DDX23: variants seen among roughly 807,000 people sequenced by gnomAD.
DDX23 encodes the protein probable ATP-dependent RNA helicase DDX23.
DDX23 carries 33 observed loss-of-function variants against 102.7 expected under a neutral mutation model. That is an observed-to-expected ratio of 0.32 (90% CI 0.24 to 0.43). The LOEUF is 0.43. Ranked by LOEUF, DDX23 falls within the 20% of genes least tolerant of loss-of-function variation. DDX23 has a pLI of 1.00. For synonymous variants in DDX23, 352 were observed against 376.0 expected, an observed-to-expected ratio of 0.94 and a Z score of 0.74; for missense variants, 549 against 1,086.6, an observed-to-expected ratio of 0.51 and a Z score of 6.96.
intron 5 of DDX23, among the ~76,000 whole-genome samples, chr12:48,838,816 G>A (rs1003128274): frequency 3.5e-4 from 53 of 151,936 alleles, no homozygotes; most frequent in African/African-American, 1.3e-3. Context: ...TCATGCCACT[G>A]CACTCCAGCC....
At chr12:48,850,949 G>T (rs1938747008) in intron 1 of DDX23, among the ~76,000 whole-genome samples, 1 of 152,122 alleles carries the variant, frequency 6.6e-6, no homozygotes, top group Admixed American at 6.5e-5. Context: ...TTTATTACAG[G>T]TTCTATTATC....
intron 11 of DDX23, among the ~76,000 whole-genome samples, chr12:48,835,734 C>A (rs536744541): frequency 2.6e-4 from 39 of 151,566 alleles, no homozygotes; most frequent in East Asian, 2.5e-3. Context: ...AAACAAAAAA[C>A]CAAAAATTAG....
In DDX23 at chr12:48,836,276, C is replaced by T. The variant is rs1938466901; in HGVS notation, c.1237-10G>A. 2 of 1,613,708 alleles carry T rather than the reference C, an allele frequency of 1.2e-6. No homozygotes were observed. The highest frequency in any genetic ancestry group is 1.6e-4 in the Middle Eastern group (1 of 6,080). ...GTATAGGTGTTGGTTCCTGCAGTGACCCCAAGAAAGAGTAATAGGTACAGG... is the reference window on the plus strand; with the variant it reads ...GTATAGGTGTTGGTTCCTGCAGTGATCCCAAGAAAGAGTAATAGGTACAGG... On this transcript the variant is annotated splice_polypyrimidine_tract_variant and intron_variant, in intron 10 of 16. Coordinates refer to ENST00000308025, the MANE Select transcript of DDX23 (RefSeq NM_004818.3). The surrounding 1 kb of genome is among the most constrained non-coding windows in gnomAD (Gnocchi z 6.1).
intron 5 of DDX23, 146 bp downstream of exon 5, chr12:48,839,698 G>A (rs60108560): frequency 2.7e-6 from 2 of 753,356 alleles, no homozygotes; most frequent in Non-Finnish European, 2.1e-6. Context: ...AGAGACCTCA[G>A]AAGAAATAAC....
At chr12:48,841,528 C>G (rs1339564543) in intron 3 of DDX23, among the ~76,000 whole-genome samples, 1 of 152,254 alleles carries the variant, frequency 6.6e-6, no homozygotes, top group Non-Finnish European at 1.5e-5. Context: ...CTGGACCGTA[C>G]TGCTGCCATC....
chr12:48,851,949 C>G (rs1938767435), intron 1 of DDX23, 135 bp downstream of exon 1: 1 of 152,564 alleles, frequency 6.6e-6, no homozygotes, highest in African/African-American at 2.4e-5. Context: ...CCAGCCCGCC[C>G]GAGCTTCCCG....
chr12:48,837,708 G>A (rs201949298), intron 6 of DDX23, 51 bp from the exon 7 acceptor site: 1,028 of 1,608,396 alleles, frequency 6.4e-4, no homozygotes, highest in Non-Finnish European at 8.3e-4. Context: ...AAGAAAAGAG[G>A]AGAGGGAATG....
At chr12:48,841,877 C>A (rs1166052483) in intron 3 of DDX23, among the ~76,000 whole-genome samples, 1 of 152,118 alleles carries the variant, frequency 6.6e-6, no homozygotes, top group East Asian at 1.9e-4. Context: ...TCTGCCCGGC[C>A]GCCATCCCAT....
rs768779658 is a variant in DDX23 at position 48,830,555 on chromosome 12, G to A, written c.2377C>T (p.Pro793Ser). 2.5e-6 allele frequency: 4 copies of A among 1,613,868 alleles called. No homozygotes were observed. The highest frequency in any genetic ancestry group is 2.5e-6 in the Non-Finnish European group (3 of 1,180,034). ...GCATCTGGGTGGTTGGCTAGTTCGGGGGGACAGGAAGACACTGGGCTTTCC... is the reference window on the plus strand; with the variant it reads ...GCATCTGGGTGGTTGGCTAGTTCGGAGGGACAGGAAGACACTGGGCTTTCC... ...ILESPVSSCP[P>S]ELANHPDAQH... Residue 793 changes from proline to serine, a missense_variant, in exon 17 of 17, where the codon CCC (proline) becomes TCC (serine). Pro to Ser is a moderately conservative substitution (Grantham distance 74). This residue lies in a region of DDX23 where 38 missense variants were observed against 94.5 expected (regional missense o/e 0.40). Coordinates refer to ENST00000308025, the MANE Select transcript of DDX23 (RefSeq NM_004818.3). This position sits in a 1 kb window ranked among gnomAD's most constrained non-coding sequence, Gnocchi z 4.9.
intron 2 of DDX23, among the ~76,000 whole-genome samples, chr12:48,844,412 G>T (rs749194530): frequency 6.6e-5 from 10 of 152,072 alleles, no homozygotes; most frequent in Non-Finnish European, 1.0e-4. Flanking sequence ...CCGAGTAGCT[G>T]GGATTACAGA....
Position 48,837,614 on chromosome 12 carries a change from C to T in DDX23, c.663G>A (p.Met221Ile), listed in dbSNP as rs780808017. ...ERERRERRERMERETNGNEDE... is the reference protein window; with the variant it reads ...ERERRERRERIERETNGNEDE... Reference sequence around the variant, plus strand: ...CCTCATTTCCATTGGTCTCCCGTTCCATCCTCTCCCTGCGTTCCCGACGTT... The same window carrying T: ...CCTCATTTCCATTGGTCTCCCGTTCTATCCTCTCCCTGCGTTCCCGACGTT... The change falls in exon 7 of 17, where the codon ATG (methionine) becomes ATA (isoleucine). Residue 221 changes from methionine to isoleucine, a missense_variant. This residue lies in a region of DDX23 where 270 missense variants were observed against 707.0 expected (regional missense o/e 0.38). Coordinates refer to ENST00000308025, the MANE Select transcript of DDX23 (RefSeq NM_004818.3). 6.2e-7 allele frequency: 1 copy of T among 1,614,188 alleles called. No individual in the cohort carries two copies. The highest frequency in any genetic ancestry group is 1.1e-5 in the South Asian group (1 of 91,088).
At chr12:48,838,277 G>A (rs939910960) in intron 5 of DDX23, among the ~76,000 whole-genome samples, 197 bp from the exon 6 acceptor site, 4 of 152,252 alleles carry the variant, frequency 2.6e-5, no homozygotes, top group East Asian at 1.9e-4. Context: ...CAGGCTGGAC[G>A]TGGTGGCACA....
chr12:48,840,516 C>T lies in DDX23; in HGVS notation c.321-410G>A, dbSNP rs377723925. 6.0e-5 allele frequency among the ~76,000 whole-genome samples: 9 copies of T among 150,990 alleles called. No homozygotes were observed. In the East Asian group the frequency reaches 9.8e-4, roughly 16 times the overall value. On this transcript the variant is annotated intron_variant, in intron 3 of 16. Transcript: ENST00000308025. ...CAAAACCCTGTCTCTAGTAAAAACACAAAAATTAGCCAGGTGTGGTTGTTT... is the reference window on the plus strand; with the variant it reads ...CAAAACCCTGTCTCTAGTAAAAACATAAAAATTAGCCAGGTGTGGTTGTTT...
intron 5 of DDX23, 173 bp downstream of exon 5, chr12:48,839,671 C>T (rs748348658): frequency 4.0e-4 from 249 of 628,844 alleles, no homozygotes; most frequent in Non-Finnish European, 6.3e-5. Context: ...AAGAAGACAG[C>T]CTTATAAGCC....
chr12:48,845,599 G>T lies in DDX23; in HGVS notation c.184C>A (p.Arg62Ser). The stretch of plus-strand genomic sequence containing the variant: ...CTTTCTGCAGATTTGGAACGGGAAC[G>T]AGAGCGAGAACGGCTGCCTCCTCGA... ...RRRGGSRSRS[R>S]SRSKSAERER... The change falls in exon 2 of 17, where the codon CGT becomes AGT. Residue 62 changes from arginine to serine, a missense_variant. Physicochemically the swap from Arg to Ser is moderately radical, Grantham distance 110. Coordinates refer to ENST00000308025, the MANE Select transcript of DDX23 (RefSeq NM_004818.3). 1 of 1,614,220 alleles carries T rather than the reference G, an allele frequency of 6.2e-7. No individual in the cohort carries two copies. The highest frequency in any genetic ancestry group is 8.5e-7 in the Non-Finnish European group (1 of 1,180,038).
chr12:48,837,494 G>A, intron 7 of DDX23, 30 bp downstream of exon 7: 2 of 1,613,780 alleles, frequency 1.2e-6, no homozygotes, highest in Admixed American at 1.7e-5. Context: ...TTGTGTGGGA[G>A]AGAAGTGAAG....
At chr12:48,837,800 A>G in intron 6 of DDX23, 142 bp downstream of exon 6, 1 of 1,531,586 alleles carries the variant, frequency 6.5e-7, no homozygotes, top group Non-Finnish European at 8.8e-7. Context: ...TCTAACAGAA[A>G]AATGTTTTCT....
chr12:48,842,272 G>C (rs1297340940), intron 3 of DDX23, among the ~76,000 whole-genome samples: 10 of 146,844 alleles, frequency 6.8e-5, no homozygotes, highest in Non-Finnish European at 1.2e-4. Context: ...GGAGGGAGGT[G>C]GGGGGGTCAG....
chr12:48,843,537 TTC>T (rs1938607601), intron 3 of DDX23, among the ~76,000 whole-genome samples: 2 of 145,490 alleles, frequency 1.4e-5, no homozygotes, highest in Non-Finnish European at 3.0e-5. Flanking sequence ...GAAATCTACT[TTC>T]TTTCTTTCTT....
Sources: allele counts gnomAD v4.1 joint callset (sites outside exome capture counted in the v4.1 genomes callset), GRCh38; gene constraint gnomAD v4.1.1; regional missense constraint gnomAD v4.1.1; non-coding constraint Gnocchi (gnomAD v3.1); transcripts MANE v1.5; gene names NCBI Gene and HGNC (gene_info 2026-07-23, HGNC 2026-07-21).